AK9: variants seen among roughly 807,000 people sequenced by gnomAD.
The protein encoded by AK9 is adenylate kinase domain containing 1.
Under a neutral mutation model 239.6 loss-of-function variants are expected in AK9, and 191 were observed. That is an observed-to-expected ratio of 0.80 (90% CI 0.71 to 0.90). The LOEUF (loss-of-function observed/expected upper bound fraction) is 0.90. Among genes scored for constraint, AK9 ranks in the 40% least tolerant of loss-of-function variants. AK9 has a pLI of 0.00. For synonymous variants in AK9, 689 were observed against 721.0 expected, an observed-to-expected ratio of 0.96 and a Z score of 0.71; for missense variants, 1,995 against 2,214.7, an observed-to-expected ratio of 0.90 and a Z score of 1.99.
Position 109,592,450 on chromosome 6 carries a change from T to TC in AK9, c.1843-6379_1843-6378insG, listed in dbSNP as rs1201474472. Among the ~76,000 whole-genome samples, 58 of 147,640 alleles carry TC rather than the reference T, an allele frequency of 3.9e-4. No homozygotes were observed. The East Asian group carries it at 0.012, about 30-fold the overall frequency. ...GTTGTTAGTCTAATGGGATTTCTTT[T>TC]TTTTTTTTTTTTTTGAGACGGAGTC... is the stretch of plus-strand genomic sequence containing the variant. On this transcript the variant is annotated intron_variant, in intron 17 of 40. Coordinates refer to ENST00000424296, the MANE Select transcript of AK9 (RefSeq NM_001145128.3).
chr6:109,598,596 G>C (rs181591924), intron 17 of AK9, among the ~76,000 whole-genome samples: 31 of 152,254 alleles, frequency 2.0e-4, no homozygotes, highest in African/African-American at 7.0e-4. Context: ...CCCAGTAATG[G>C]GATGGCTGGG....
chr6:109,687,513 C>G (rs539748492), intron 1 of AK9, among the ~76,000 whole-genome samples: 1 of 152,242 alleles, frequency 6.6e-6, no homozygotes, highest in South Asian at 2.1e-4. Context: ...AAGTAAGCTG[C>G]CATGTTGTGA....
intron 15 of AK9, 135 bp downstream of exon 15, chr6:109,614,048 A>G (rs1793875328): frequency 2.7e-6 from 2 of 742,436 alleles, no homozygotes; most frequent in Non-Finnish European, 4.4e-6. Flanking sequence ...TAAATCCATA[A>G]GGAAATATTT....
At chr6:109,688,461 C>G (rs1026081215) in intron 1 of AK9, among the ~76,000 whole-genome samples, 2 of 152,168 alleles carry the variant, frequency 1.3e-5, no homozygotes, top group Non-Finnish European at 2.9e-5. Flanking sequence ...ATCAGAGGAC[C>G]CTTTTTACAA....
intron 8 of AK9, among the ~76,000 whole-genome samples, chr6:109,651,271 A>C (rs1162575868): frequency 2.6e-5 from 4 of 152,062 alleles, no homozygotes; most frequent in African/African-American, 9.7e-5. Context: ...AACTCACTAA[A>C]AGCCGCAGAA....
chr6:109,621,899 A>C (rs1304594010), intron 12 of AK9, among the ~76,000 whole-genome samples: 1 of 101,124 alleles, frequency 9.9e-6, no homozygotes, highest in Non-Finnish European at 2.1e-5. Flanking sequence ...TAATTAAAAA[A>C]AAAAAAAAAA....
In AK9 at chr6:109,564,210, A is replaced by C. The variant is rs1432205550; in HGVS notation, c.2505T>G (p.Ile835Met). The change falls in exon 23 of 41, where the codon ATT (isoleucine) becomes ATG (methionine). Residue 835 changes from isoleucine (I) to methionine (M), a missense_variant. Transcript: ENST00000424296. ...GTTTCCAGAGGATGATGAAAGAACC[A>C]ATCTTCTCTTTAAATGGCTCCATTT... Reference protein sequence around the residue: ...VPEMEPFKEKIGSFIILWKQL... With the variant: ...VPEMEPFKEKMGSFIILWKQL... 1 of 1,551,346 alleles carries C rather than the reference A, an allele frequency of 6.4e-7. No homozygotes were observed. The highest frequency in any genetic ancestry group is 1.4e-5 in the African/African-American group (1 of 73,044).
intron 20 of AK9, among the ~76,000 whole-genome samples, chr6:109,579,159 G>A (rs1788500741): frequency 6.6e-6 from 1 of 152,150 alleles, no homozygotes; most frequent in Non-Finnish European, 1.5e-5. Context: ...GGTAATAAGA[G>A]ATTTGCTGTC....
At chr6:109,621,078 G>A (rs1275669124) in intron 12 of AK9, among the ~76,000 whole-genome samples, 2 of 149,998 alleles carry the variant, frequency 1.3e-5, no homozygotes, top group Admixed American at 6.7e-5. Context: ...AAAAGTGGGT[G>A]AAGGACATGA....
chr6:109,612,751 C>T (rs980882611), intron 15 of AK9, among the ~76,000 whole-genome samples: 2 of 151,926 alleles, frequency 1.3e-5, no homozygotes, highest in South Asian at 2.1e-4. Flanking sequence ...CAGGCAAGCA[C>T]ATCTGTCTGA....
chr6:109,593,474 A>C (rs1790566347), intron 17 of AK9, among the ~76,000 whole-genome samples: 1 of 152,180 alleles, frequency 6.6e-6, no homozygotes, highest in Non-Finnish European at 1.5e-5. Flanking sequence ...AAACTATTCC[A>C]AACGACAGAA....
chr6:109,674,292 A>G (rs758425620), intron 2 of AK9, 31 bp from the exon 3 acceptor site: 7 of 1,465,612 alleles, frequency 4.8e-6, no homozygotes, highest in Non-Finnish European at 6.4e-6. Context: ...TTAAAGCCCA[A>G]TAGAACAGTT....
chr6:109,566,372 G>A (rs943090817), intron 21 of AK9, among the ~76,000 whole-genome samples: 1 of 152,022 alleles, frequency 6.6e-6, no homozygotes, highest in Non-Finnish European at 1.5e-5. Flanking sequence ...CAAAATCGAC[G>A]AAGCAAAAGA....
chr6:109,563,479 T>A (rs1375004341), intron 24 of AK9, 118 bp downstream of exon 24: 1 of 1,402,064 alleles, frequency 7.1e-7, no homozygotes, highest in South Asian at 1.7e-5. Context: ...AGAGGGAGAA[T>A]GTGTGTGCAA....
At chr6:109,644,814 G>C (rs1797842691) in intron 8 of AK9, 126 bp from the exon 9 acceptor site, 2 of 630,240 alleles carry the variant, frequency 3.2e-6, no homozygotes, top group Non-Finnish European at 4.9e-6. Context: ...ATGCTATAAT[G>C]TATGTTATTT....
At chr6:109,513,667 T>C (rs1273778994) in intron 32 of AK9, among the ~76,000 whole-genome samples, 1 of 152,218 alleles carries the variant, frequency 6.6e-6, no homozygotes, top group African/African-American at 2.4e-5. Context: ...GAAATACAGT[T>C]AAAATAAGCC....
chr6:109,642,612 T>A (rs1027740419), intron 9 of AK9, among the ~76,000 whole-genome samples: 4 of 152,014 alleles, frequency 2.6e-5, no homozygotes, highest in Non-Finnish European at 4.4e-5. Flanking sequence ...GGAAAGTGTG[T>A]CCCAGGTAGT....
Position 109,535,293 on chromosome 6 carries a change from C to T in AK9, c.3351-1823G>A, listed in dbSNP as rs1473266605. 2.0e-5 allele frequency among the ~76,000 whole-genome samples: 3 copies of T among 152,180 alleles called. No individual in the cohort carries two copies. The East Asian group carries it at 5.8e-4, about 29-fold the overall frequency. On this transcript the variant is annotated intron_variant, in intron 27 of 40. Transcript: ENST00000424296. ...TTGTTTCCTGACCTTTTAATGATCGCCATTCTAACTGGTGTGAGATGGTAA... is the reference window on the plus strand; with the variant it reads ...TTGTTTCCTGACCTTTTAATGATCGTCATTCTAACTGGTGTGAGATGGTAA...
chr6:109,653,056 A>T (rs1481641654), intron 8 of AK9, among the ~76,000 whole-genome samples: 1 of 152,022 alleles, frequency 6.6e-6, no homozygotes, highest in Non-Finnish European at 1.5e-5. Flanking sequence ...CCTCCTGAGT[A>T]GCTGGGATTA....
Sources: allele counts gnomAD v4.1 joint callset (sites outside exome capture counted in the v4.1 genomes callset), GRCh38; gene constraint gnomAD v4.1.1; transcripts MANE v1.5; gene names NCBI Gene and HGNC (gene_info 2026-07-23, HGNC 2026-07-21).